MEIKIN: variants seen among roughly 807,000 people sequenced by gnomAD.
MEIKIN encodes the protein meiotic kinetochore factor.
At chr5:131,930,855 C>T (rs1751677354) in intron 5 of MEIKIN, among the ~76,000 whole-genome samples, 2 of 152,116 alleles carry the variant, frequency 1.3e-5, no homozygotes, top group Admixed American at 6.5e-5. Flanking sequence ...TTAAAACTTC[C>T]TTTTTGTTGA....
intron 9 of MEIKIN, among the ~76,000 whole-genome samples, chr5:131,867,261 T>C (rs1053502242): frequency 3.0e-4 from 46 of 152,302 alleles, no homozygotes; most frequent in African/African-American, 1.1e-3. Context: ...GCAGAAAATA[T>C]AGACTTCTCA....
At chr5:131,917,060 T>C (rs1177182208) in intron 6 of MEIKIN, 135 bp from the exon 7 acceptor site, 59 of 373,430 alleles carry the variant, frequency 1.6e-4, no homozygotes, top group Non-Finnish European at 5.2e-5. Flanking sequence ...GCCACTTAAA[T>C]TAGGTAAAAA....
At chr5:131,872,833 G>T (rs1024667679) in intron 9 of MEIKIN, among the ~76,000 whole-genome samples, 4 of 152,164 alleles carry the variant, frequency 2.6e-5, no homozygotes, top group African/African-American at 9.7e-5. Flanking sequence ...AAGAGAGTGG[G>T]GGCCAATATT....
chr5:131,867,469 C>T (rs1012428316), intron 9 of MEIKIN, among the ~76,000 whole-genome samples: 1 of 152,156 alleles, frequency 6.6e-6, no homozygotes, highest in Non-Finnish European at 1.5e-5. Flanking sequence ...ATGTACCCAC[C>T]ATTCTAATAT....
At chr5:131,877,425 T>C (rs1750635004) in intron 9 of MEIKIN, among the ~76,000 whole-genome samples, 1 of 152,106 alleles carries the variant, frequency 6.6e-6, no homozygotes, top group South Asian at 2.1e-4. Context: ...GGTGGATCGC[T>C]TGAACCCAGG....
chr5:131,860,689 C>T (rs1209419379), intron 9 of MEIKIN, among the ~76,000 whole-genome samples: 1 of 150,824 alleles, frequency 6.6e-6, no homozygotes, highest in Non-Finnish European at 1.5e-5. Flanking sequence ...CCTCATGATC[C>T]ACCCACCTCA....
intron 9 of MEIKIN, among the ~76,000 whole-genome samples, chr5:131,876,449 C>T (rs545595810): frequency 1.0e-3 from 155 of 149,462 alleles, no homozygotes; most frequent in African/African-American, 3.8e-3. Context: ...CAATGAGATA[C>T]CATCTCACAC....
At chr5:131,908,647 T>A (rs1415722835) in intron 8 of MEIKIN, among the ~76,000 whole-genome samples, 1 of 152,180 alleles carries the variant, frequency 6.6e-6, no homozygotes, top group Non-Finnish European at 1.5e-5. Flanking sequence ...TATCTTTGTT[T>A]GCAGATGACA....
At chr5:131,807,531 T>C (rs1336305186) in intron 12 of MEIKIN, among the ~76,000 whole-genome samples, 1 of 152,242 alleles carries the variant, frequency 6.6e-6, no homozygotes, top group African/African-American at 2.4e-5. Flanking sequence ...AAAATTGCTG[T>C]CAGTGGCCAT....
chr5:131,857,966 ACTG>A (rs570277475), intron 9 of MEIKIN, among the ~76,000 whole-genome samples: 76 of 152,226 alleles, frequency 5.0e-4, no homozygotes, highest in African/African-American at 1.8e-3. Flanking sequence ...CCAGCCCACC[ACTG>A]CTGCTGCTGC....
chr5:131,851,708 A>C (rs1488301857), intron 10 of MEIKIN, among the ~76,000 whole-genome samples: 3 of 152,190 alleles, frequency 2.0e-5, no homozygotes, highest in Non-Finnish European at 2.9e-5. Context: ...ACTCTCTCCT[A>C]AGTGCCATAT....
At chr5:131,840,713 T>C (rs1749890209) in intron 11 of MEIKIN, among the ~76,000 whole-genome samples, 2 of 152,238 alleles carry the variant, frequency 1.3e-5, no homozygotes, top group Non-Finnish European at 2.9e-5. Flanking sequence ...ATTACATTCT[T>C]TTCTATACTG....
chr5:131,901,420 C>G (rs1407905146), intron 8 of MEIKIN, among the ~76,000 whole-genome samples: 1 of 152,138 alleles, frequency 6.6e-6, no homozygotes, highest in East Asian at 1.9e-4. Flanking sequence ...CCCCCTGTGC[C>G]ATGCTGCCAA....
intron 3 of MEIKIN, among the ~76,000 whole-genome samples, chr5:131,942,960 A>G (rs1751898510): frequency 6.6e-6 from 1 of 152,116 alleles, no homozygotes; most frequent in African/African-American, 2.4e-5. Context: ...ATGACAGCAA[A>G]TAGAAGATAG....
intron 5 of MEIKIN, among the ~76,000 whole-genome samples, chr5:131,932,649 T>C (rs961238939): frequency 1.3e-5 from 2 of 152,202 alleles, no homozygotes; most frequent in Non-Finnish European, 2.9e-5. Flanking sequence ...AAACGAATAA[T>C]TGGGACTGAC....
At chr5:131,814,179 C>T (rs1446733441) in intron 12 of MEIKIN, among the ~76,000 whole-genome samples, 1 of 152,014 alleles carries the variant, frequency 6.6e-6, no homozygotes. Context: ...CACAGACACA[C>T]ACAGGAACAA....
intron 8 of MEIKIN, among the ~76,000 whole-genome samples, chr5:131,888,194 G>A (rs1346465123): frequency 6.8e-6 from 1 of 148,050 alleles, no homozygotes; most frequent in Non-Finnish European, 1.5e-5. Context: ...CTTTATAGCA[G>A]CATGATTTAT....
chr5:131,838,781 AT>A (rs199809912), intron 11 of MEIKIN, among the ~76,000 whole-genome samples: 22 of 148,444 alleles, frequency 1.5e-4, no homozygotes, highest in South Asian at 6.4e-4. Flanking sequence ...TATGCATTGT[AT>A]TTTTTTTTTC....
At chr5:131,903,549 C>A (rs912543356) in intron 8 of MEIKIN, among the ~76,000 whole-genome samples, 9 of 152,110 alleles carry the variant, frequency 5.9e-5, no homozygotes, top group Admixed American at 4.6e-4. Context: ...TCCAGCCAAA[C>A]CAAGCTTCAT....
Sources: gnomAD v4.1 joint callset for allele counts (sites outside exome capture counted in the v4.1 genomes callset) on GRCh38, gnomAD v4.1.1 for gene constraint, MANE v1.5 for transcripts, NCBI Gene and HGNC (gene_info 2026-07-23, HGNC 2026-07-21) for gene names.